Variants in KYAT3 observed in about 807,000 individuals in gnomAD.
KYAT3 encodes the protein kynurenine aminotransferase 3.
In KYAT3, 50 loss-of-function variants were observed where a neutral mutation model predicts 59.0. The ratio of observed to expected loss-of-function variants is 0.85; its 90% confidence interval spans 0.68 to 1.07. The LOEUF is 1.07. Among genes scored for constraint, KYAT3 ranks in the 50% least tolerant of loss-of-function variants. KYAT3 has a pLI of 0.00. For synonymous variants in KYAT3, 148 were observed against 177.0 expected (o/e 0.84, Z 1.30); for missense variants, 497 against 533.3 (o/e 0.93, Z 0.67).
At chr1:88,931,570 G>T (rs148220076), downstream of KYAT3, among the ~76,000 whole-genome samples, 3,603 of 152,160 alleles carry the variant, frequency 0.024, 131 homozygotes, top group African/African-American at 0.081. Flanking sequence ...TGAGAGGGGG[G>T]ACTGAGAGAC....
chr1:88,983,056 T>A, intron 2 of KYAT3: 1 of 1,612,658 alleles, frequency 6.2e-7, no homozygotes, highest in Non-Finnish European at 8.5e-7. Flanking sequence ...CATAGCCTCT[T>A]GATGGATAGT....
intron 2 of KYAT3, chr1:88,980,534 A>G (rs1009643721): frequency 6.6e-6 from 1 of 152,600 alleles, no homozygotes; most frequent in African/African-American, 2.4e-5. Context: ...TACCACTTAA[A>G]CAAGGAAAAC....
At chr1:88,938,623 G>C (rs960357409) in intron 13 of KYAT3, among the ~76,000 whole-genome samples, 3 of 152,148 alleles carry the variant, frequency 2.0e-5, no homozygotes, top group South Asian at 2.1e-4. Flanking sequence ...ACTTATAAGA[G>C]AGAACATGTG....
intron 10 of KYAT3, among the ~76,000 whole-genome samples, chr1:88,949,988 A>G (rs1404718509): frequency 6.6e-6 from 1 of 152,146 alleles, no homozygotes; most frequent in African/African-American, 2.4e-5. Flanking sequence ...TTAGGAAGTG[A>G]TTAGGACAGA....
chr1:88,922,522 T>C, the KYAT3 span, among the ~76,000 whole-genome samples: 1 of 152,304 alleles, frequency 6.6e-6, no homozygotes, highest in Non-Finnish European at 1.5e-5. Flanking sequence ...AGATCAGTGG[T>C]GGCATTAGAG....
At chr1:88,935,254 C>T (rs1279559969), downstream of KYAT3, among the ~76,000 whole-genome samples, 3 of 151,340 alleles carry the variant, frequency 2.0e-5, no homozygotes, top group South Asian at 4.2e-4. Context: ...CCACCCGCCT[C>T]GGCCTCCCAA....
At chr1:88,966,134 C>G (rs1676342390) in intron 4 of KYAT3, among the ~76,000 whole-genome samples, 1 of 152,178 alleles carries the variant, frequency 6.6e-6, no homozygotes, top group Non-Finnish European at 1.5e-5. Flanking sequence ...TGCAACACCA[C>G]TCTCAGTGCT....
intron 2 of KYAT3, among the ~76,000 whole-genome samples, chr1:88,979,018 G>A (rs939575150): frequency 7.2e-5 from 11 of 152,146 alleles, no homozygotes; most frequent in Non-Finnish European, 1.0e-4. Context: ...GAAGAGACAA[G>A]TGCATAAGAT....
Position 88,964,907 on chromosome 1 carries a change from A to C in KYAT3, c.375T>G (p.Asn125Lys). 1 of 1,609,924 alleles carries C rather than the reference A, an allele frequency of 6.2e-7. No homozygotes were observed. Among genetic ancestry groups the C allele is most frequent in the Non-Finnish European group, 8.5e-7 (1 of 1,178,532 alleles). Residue 125 changes from asparagine (N) to lysine (K), a missense_variant, in exon 5 of 14, where the codon AAT becomes AAG. This residue lies in a region of KYAT3 where 469 missense variants were observed against 479.1 expected (regional missense o/e 0.98). Transcript: ENST00000260508. ...EKLYQKQIDS[N>K]KEILVTVGAY... ...CTCCTACTGTCACAAGGATTTCTTT[A>C]TTTGAATCAATTTGCTTTTGATAAA... is the stretch of plus-strand genomic sequence containing the variant.
At chr1:88,971,496 C>G (rs12404560) in intron 2 of KYAT3, among the ~76,000 whole-genome samples, 2,720 of 152,120 alleles carry the variant, frequency 0.018, 70 homozygotes, top group African/African-American at 0.046. Flanking sequence ...CCTAAGGAGA[C>G]CTTCTTAGAA....
chr1:88,982,961 C>T (rs1237999975), intron 2 of KYAT3: 1 of 1,613,700 alleles, frequency 6.2e-7, no homozygotes, highest in Non-Finnish European at 8.5e-7. Flanking sequence ...ACGTGAGTTA[C>T]CATAACTCTC....
chr1:88,931,128 C>T (rs1674898469), downstream of KYAT3, among the ~76,000 whole-genome samples: 1 of 152,128 alleles, frequency 6.6e-6, no homozygotes, highest in African/African-American at 2.4e-5. Flanking sequence ...AAACCCTTCA[C>T]CAAACCTTTC....
the KYAT3 span, among the ~76,000 whole-genome samples, chr1:88,927,440 C>T: frequency 2.6e-5 from 4 of 152,098 alleles, no homozygotes; most frequent in Non-Finnish European, 5.9e-5. Flanking sequence ...GAGTGAAGTG[C>T]CATATGTGCA....
At position 88,953,057 on chromosome 1, in the gene KYAT3, A is replaced by G. The variant is rs1236565461; in HGVS notation, c.954+6T>C. 2.6e-6 allele frequency: 4 copies of G among 1,559,756 alleles called. No homozygotes were observed. The highest frequency in any genetic ancestry group is 2.7e-6 in the Non-Finnish European group (3 of 1,130,818). ...TGCTTCTACCCTGAGTTACTATAAC[A>G]CTTACCTGTAAAGGAGTTGCACAAG... On this transcript the variant is annotated splice_donor_region_variant and intron_variant, in intron 10 of 13. Transcript: ENST00000260508.
At chr1:88,949,606 GCTAAAT>G (rs949213634) in intron 10 of KYAT3, among the ~76,000 whole-genome samples, 46 of 152,328 alleles carry the variant, frequency 3.0e-4, no homozygotes, top group African/African-American at 1.1e-3. Flanking sequence ...AGAATGACTT[GCTAAAT>G]CTAAGTCAGA....
chr1:88,955,008 C>T (rs1675846103), intron 9 of KYAT3, 141 bp downstream of exon 9: 1 of 573,524 alleles, frequency 1.7e-6, no homozygotes, highest in South Asian at 2.0e-5. Context: ...TTAAGTGATC[C>T]TCCTGCCTTA....
At chr1:88,938,134 G>A (rs1454208243) in intron 13 of KYAT3, among the ~76,000 whole-genome samples, 3 of 152,060 alleles carry the variant, frequency 2.0e-5, no homozygotes, top group Admixed American at 1.3e-4. Flanking sequence ...GGGGGTGATC[G>A]GAGCATCCTC....
At chr1:88,933,005 G>C (rs374363845), downstream of KYAT3, among the ~76,000 whole-genome samples, 4 of 152,014 alleles carry the variant, frequency 2.6e-5, no homozygotes, top group African/African-American at 9.7e-5. Context: ...GTATTGCACT[G>C]TCTATTCCTT....
intron 9 of KYAT3, among the ~76,000 whole-genome samples, chr1:88,954,200 T>C (rs1182804546): frequency 6.6e-6 from 1 of 152,112 alleles, no homozygotes. Flanking sequence ...GCCTGGCCGA[T>C]GCTCCCTGCT....
Sources: gnomAD v4.1 joint callset for allele counts (sites outside exome capture counted in the v4.1 genomes callset) on GRCh38, gnomAD v4.1.1 for gene constraint, gnomAD v4.1.1 regional missense constraint, MANE v1.5 for transcripts, NCBI Gene and HGNC (gene_info 2026-07-23, HGNC 2026-07-21) for gene names.